UBAC2: variants seen among roughly 807,000 people sequenced by gnomAD.
UBAC2 encodes the protein UBA domain containing 2, also known as ubiquitin-associated domain-containing protein 2.
A neutral mutation model predicts 44.0 loss-of-function variants in UBAC2; 26 were observed. That is an observed-to-expected ratio of 0.59 (90% CI 0.43 to 0.82). The LOEUF is 0.82. Among genes scored for constraint, UBAC2 ranks in the 40% least tolerant of loss-of-function variants. The pLI is 0.00. For synonymous variants in UBAC2, 155 were observed against 154.3 expected (o/e 1.00, Z -0.04); for missense variants, 329 against 419.4 (o/e 0.78, Z 1.88).
intron 6 of UBAC2, among the ~76,000 whole-genome samples, chr13:99,334,232 A>T (rs983103228): frequency 6.6e-6 from 1 of 152,070 alleles, no homozygotes; most frequent in African/African-American, 2.4e-5. Context: ...ACATGCTGGG[A>T]TTACAGGCGT....
intron 4 of UBAC2, among the ~76,000 whole-genome samples, chr13:99,247,524 T>C (rs2043402237): frequency 6.6e-6 from 1 of 152,084 alleles, no homozygotes; most frequent in Admixed American, 6.6e-5. Context: ...TGTGTTGTTT[T>C]TTTTTAAATC....
chr13:99,297,147 G>A (rs9513592), intron 4 of UBAC2, among the ~76,000 whole-genome samples: 95 of 152,198 alleles, frequency 6.2e-4, no homozygotes, highest in South Asian at 3.7e-3. Flanking sequence ...TATAAATAAT[G>A]TTAAAGCAGA....
At chr13:99,319,040 G>GA (rs1034441166) in intron 6 of UBAC2, among the ~76,000 whole-genome samples, 24 of 152,050 alleles carry the variant, frequency 1.6e-4, no homozygotes, top group African/African-American at 5.8e-4. Context: ...TCACACGAGG[G>GA]AAAAAAATAA....
intron 4 of UBAC2, among the ~76,000 whole-genome samples, chr13:99,285,623 C>A (rs9517671): frequency 6.6e-6 from 1 of 152,074 alleles, no homozygotes; most frequent in African/African-American, 2.4e-5. Context: ...AACTCCTGGC[C>A]TCAAGTGACC....
chr13:99,329,931 A>C (rs944845354), intron 6 of UBAC2, among the ~76,000 whole-genome samples: 2 of 152,218 alleles, frequency 1.3e-5, no homozygotes, highest in African/African-American at 4.8e-5. Flanking sequence ...CTCAGTAATC[A>C]ACAGCTACTA....
intron 1 of UBAC2, among the ~76,000 whole-genome samples, chr13:99,225,213 A>G (rs901749285): frequency 1.3e-5 from 2 of 152,190 alleles, no homozygotes; most frequent in Non-Finnish European, 2.9e-5. Flanking sequence ...AGTAGTATTA[A>G]GTACGTTCAT....
At chr13:99,326,560 C>T (rs1440105851) in intron 6 of UBAC2, among the ~76,000 whole-genome samples, 4 of 152,076 alleles carry the variant, frequency 2.6e-5, no homozygotes, top group African/African-American at 9.7e-5. Flanking sequence ...TACTATAAAA[C>T]ATTATACTAC....
intron 4 of UBAC2, among the ~76,000 whole-genome samples, chr13:99,249,908 A>G (rs891677214): frequency 6.6e-6 from 1 of 151,890 alleles, no homozygotes; most frequent in African/African-American, 2.4e-5. Context: ...CCCACTTTTT[A>G]ATGGGGTTGT....
At chr13:99,344,889 T>C (rs999931187) in intron 7 of UBAC2, among the ~76,000 whole-genome samples, 1 of 152,192 alleles carries the variant, frequency 6.6e-6, no homozygotes. Flanking sequence ...TTTCCCTCCG[T>C]GAGTTTGTGG....
intron 4 of UBAC2, among the ~76,000 whole-genome samples, chr13:99,245,684 T>C (rs2142743697): frequency 6.6e-6 from 1 of 152,230 alleles, no homozygotes; most frequent in Middle Eastern, 3.4e-3. Flanking sequence ...CTACTAGAAA[T>C]ACAAAAATTA....
At chr13:99,324,865 C>T (rs2138791602) in intron 6 of UBAC2, among the ~76,000 whole-genome samples, 1 of 152,248 alleles carries the variant, frequency 6.6e-6, no homozygotes, top group South Asian at 2.1e-4. Flanking sequence ...GGTGCCAGAA[C>T]ACTTGATTTT....
At chr13:99,374,143 G>A (rs2045447431) in intron 8 of UBAC2, among the ~76,000 whole-genome samples, 1 of 152,184 alleles carries the variant, frequency 6.6e-6, no homozygotes, top group Non-Finnish European at 1.5e-5. Context: ...GGCAGTACTG[G>A]AACAGTGCAT....
At chr13:99,276,589 CT>C (rs1322050283) in intron 4 of UBAC2, among the ~76,000 whole-genome samples, 2 of 152,190 alleles carry the variant, frequency 1.3e-5, no homozygotes, top group African/African-American at 4.8e-5. Context: ...AACCCAGAAG[CT>C]GTCTGAATTT....
chr13:99,207,840 G>A (rs1777037996), intron 1 of UBAC2, among the ~76,000 whole-genome samples: 1 of 152,120 alleles, frequency 6.6e-6, no homozygotes, highest in Non-Finnish European at 1.5e-5. Context: ...CCTGCATACT[G>A]CTAAAATGGA....
chr13:99,296,177 A>G, intron 4 of UBAC2: 2 of 1,533,432 alleles, frequency 1.3e-6, no homozygotes, highest in Non-Finnish European at 8.8e-7. Flanking sequence ...GAAAAAAACC[A>G]AGAAGGATCA....
At position 99,295,099 on chromosome 13, in the gene UBAC2, C is replaced by T. The variant is rs552868630; in HGVS notation, c.390-18998C>T. On this transcript the variant is annotated intron_variant, in intron 4 of 8. Transcript: ENST00000403766. This position sits in a 1 kb window ranked among gnomAD's most constrained non-coding sequence, Gnocchi z 4.1. ...AAGACTTGGAATGTATCATCATCTG[C>T]GTTTCTGTCATTTCACGTGAATTTT... The T allele has an allele frequency of 3.7e-5, 60 of 1,614,014 alleles. No individual in the cohort carries two copies. The Middle Eastern group carries it at 4.9e-4, about 13-fold the overall frequency.
At chr13:99,328,035 C>A (rs1010810132) in intron 6 of UBAC2, among the ~76,000 whole-genome samples, 2 of 152,160 alleles carry the variant, frequency 1.3e-5, no homozygotes, top group African/African-American at 4.8e-5. Flanking sequence ...CCGCAGGTAA[C>A]CACTGATCTT....
At chr13:99,297,838 C>T (rs1318414374) in intron 4 of UBAC2, among the ~76,000 whole-genome samples, 2 of 151,628 alleles carry the variant, frequency 1.3e-5, no homozygotes, top group African/African-American at 4.9e-5. Flanking sequence ...CTGTTTGCTG[C>T]TTAGAAGAGA....
At chr13:99,353,350 G>C (rs964920582) in intron 7 of UBAC2, among the ~76,000 whole-genome samples, 4 of 152,186 alleles carry the variant, frequency 2.6e-5, no homozygotes, top group African/African-American at 9.7e-5. Flanking sequence ...TGATCATACT[G>C]ATCTTTTTGA....
Sources: gnomAD v4.1 joint callset for allele counts (sites outside exome capture counted in the v4.1 genomes callset) on GRCh38, gnomAD v4.1.1 for gene constraint, Gnocchi (gnomAD v3.1) non-coding constraint, MANE v1.5 for transcripts, NCBI Gene and HGNC (gene_info 2026-07-23, HGNC 2026-07-21) for gene names.